The following NEK10 variants were observed in gnomAD, a reference collection of about 807,000 sequenced individuals.
NEK10 encodes the protein serine/threonine-protein kinase Nek10.
In NEK10, 122 loss-of-function variants were observed where a neutral mutation model predicts 159.8. The ratio of observed to expected loss-of-function variants is 0.76; its 90% confidence interval spans 0.66 to 0.89. The LOEUF is 0.89. NEK10 is among the 40% of genes least tolerant of loss of function. The pLI, the probability that NEK10 is intolerant of heterozygous loss-of-function variation, is 0.00. For synonymous variants in NEK10, 466 were observed against 457.1 expected (o/e 1.02, Z -0.25); for missense variants, 1,342 against 1,323.1 (o/e 1.01, Z -0.22).
intron 26 of NEK10, among the ~76,000 whole-genome samples, chr3:27,175,706 G>A (rs923268832): frequency 6.6e-5 from 10 of 152,198 alleles, no homozygotes; most frequent in African/African-American, 2.4e-4. Flanking sequence ...GCCTTTTTAG[G>A]CCGTGGGGCT....
chr3:27,284,699 G>A lies in NEK10; in HGVS notation c.1917C>T (p.Cys639=), dbSNP rs758875291. 3.7e-6 allele frequency: 6 copies of A among 1,605,282 alleles called. No individual in the cohort carries two copies. The highest frequency in any genetic ancestry group is 5.1e-6 in the Non-Finnish European group (6 of 1,172,236). The part of the protein sequence containing the change: ...ERLWKIFIQL[C]LALRYLHKEK... Reference sequence around the variant, plus strand: ...CCTTGTGTAAGTATCGAAGAGCTAAGCACAGCTTGAAACAATGAATAGAAA... The same window carrying A: ...CCTTGTGTAAGTATCGAAGAGCTAAACACAGCTTGAAACAATGAATAGAAA... Residue 639 remains cysteine (C), a synonymous_variant, in exon 22 of 36, where the codon TGC becomes TGT. Coordinates refer to ENST00000691995, the MANE Select transcript of NEK10 (RefSeq NM_001394966.1).
At chr3:27,360,741 T>C (rs2048627765) in intron 1 of NEK10, among the ~76,000 whole-genome samples, 1 of 152,176 alleles carries the variant, frequency 6.6e-6, no homozygotes, top group Admixed American at 6.5e-5. Flanking sequence ...GTGAAATATG[T>C]AGGTGGTGTG....
intron 9 of NEK10, chr3:27,309,668 A>G (rs2044529091): frequency 6.6e-6 from 1 of 152,234 alleles, no homozygotes; most frequent in Admixed American, 6.5e-5. Flanking sequence ...TTAATGACAT[A>G]AATTACAATA....
chr3:27,220,030 T>A (rs1008791803), intron 23 of NEK10, among the ~76,000 whole-genome samples: 18 of 152,226 alleles, frequency 1.2e-4, no homozygotes, highest in Non-Finnish European at 2.4e-4. Flanking sequence ...ACATGACTTG[T>A]ACACTAAAAA....
intron 26 of NEK10, among the ~76,000 whole-genome samples, chr3:27,175,975 T>A (rs914830280): frequency 2.6e-5 from 4 of 152,146 alleles, no homozygotes; most frequent in Admixed American, 1.3e-4. Flanking sequence ...GTTTTTTATT[T>A]TTTTCCTACA....
At chr3:27,357,520 CTTTAATTTCCAATCTTT>C (rs1215879034) in intron 1 of NEK10, among the ~76,000 whole-genome samples, 1 of 152,128 alleles carries the variant, frequency 6.6e-6, no homozygotes, top group African/African-American at 2.4e-5. Context: ...ATAAAGAACT[CTTTAATTTCCAATCTTT>C]TATGGACTGA....
intron 30 of NEK10, chr3:27,162,176 G>T: frequency 5.3e-6 from 2 of 379,296 alleles, no homozygotes; most frequent in African/African-American, 2.0e-5. Flanking sequence ...TTTGTTTGTA[G>T]GTATGTACTT....
chr3:27,115,199 A>T (rs1329766398), intron 35 of NEK10, among the ~76,000 whole-genome samples: 2 of 152,206 alleles, frequency 1.3e-5, no homozygotes, highest in Non-Finnish European at 2.9e-5. Flanking sequence ...CATATTCTAT[A>T]TCAGCTCTTA....
At chr3:27,358,325 A>T (rs1375741393) in intron 1 of NEK10, among the ~76,000 whole-genome samples, 1 of 152,196 alleles carries the variant, frequency 6.6e-6, no homozygotes, top group East Asian at 1.9e-4. Context: ...CCTGAATACC[A>T]TCTCAGATGG....
chr3:27,296,778 T>C (rs2043385291), intron 14 of NEK10, among the ~76,000 whole-genome samples: 1 of 152,210 alleles, frequency 6.6e-6, no homozygotes, highest in Non-Finnish European at 1.5e-5. Flanking sequence ...TGGCAATAAA[T>C]ATTTTGTTTG....
chr3:27,325,028 G>T (rs936269488), intron 5 of NEK10, among the ~76,000 whole-genome samples: 1 of 152,184 alleles, frequency 6.6e-6, no homozygotes, highest in East Asian at 1.9e-4. Context: ...CATGATATGA[G>T]GCCAGTCACC....
At chr3:27,156,000 C>A (rs1017660950) in intron 30 of NEK10, among the ~76,000 whole-genome samples, 1 of 151,954 alleles carries the variant, frequency 6.6e-6, no homozygotes, top group Non-Finnish European at 1.5e-5. Flanking sequence ...ACTTACCAAC[C>A]AATCTTCAAC....
At chr3:27,206,916 T>C (rs1950591643) in intron 23 of NEK10, among the ~76,000 whole-genome samples, 1 of 152,208 alleles carries the variant, frequency 6.6e-6, no homozygotes, top group Non-Finnish European at 1.5e-5. Context: ...GGCCTGTGAC[T>C]GTCTTTGCCC....
chr3:27,290,742 T>C lies in NEK10; in HGVS notation c.1618A>G (p.Ser540Gly). The part of the protein sequence containing the change: ...FGCVYKVRKH[S>G]GQNLLAMKEV... ...TTCATTGCTAAAAGATTTTGACCAC[T>C]ATGCTTTCTAACCTAAAATAAAGAA... is the stretch of plus-strand genomic sequence containing the variant. Residue 540 changes from serine to glycine, a missense_variant, in exon 19 of 36, where the codon AGT becomes GGT. Physicochemically the swap from Ser to Gly is moderately conservative, Grantham distance 56 (BLOSUM62 0). Transcript: ENST00000691995. The C allele has an allele frequency of 6.2e-7, 1 of 1,603,066 alleles. No individual in the cohort carries two copies. Among genetic ancestry groups the C allele is most frequent in the Non-Finnish European group, 8.5e-7 (1 of 1,174,832 alleles).
chr3:27,158,165 A>C (rs1393688167), intron 30 of NEK10, among the ~76,000 whole-genome samples: 1 of 152,200 alleles, frequency 6.6e-6, no homozygotes, highest in African/African-American at 2.4e-5. Context: ...GTTGCAATGA[A>C]GGTGCTTACA....
intron 32 of NEK10, among the ~76,000 whole-genome samples, chr3:27,130,802 T>C (rs1942528469): frequency 6.6e-6 from 1 of 152,202 alleles, no homozygotes; most frequent in Non-Finnish European, 1.5e-5. Flanking sequence ...ATAAGATAAA[T>C]ATCTGAAGCC....
chr3:27,237,678 T>C (rs1050687286), intron 23 of NEK10, among the ~76,000 whole-genome samples: 1 of 151,680 alleles, frequency 6.6e-6, no homozygotes, highest in Admixed American at 6.6e-5. Context: ...TGAGGAAGGG[T>C]GGGAGTGGGG....
intron 23 of NEK10, among the ~76,000 whole-genome samples, chr3:27,207,442 A>T (rs991699332): frequency 6.6e-6 from 1 of 152,220 alleles, no homozygotes; most frequent in Non-Finnish European, 1.5e-5. Flanking sequence ...AGATGTCATA[A>T]AAGAAAATGT....
intron 3 of NEK10, among the ~76,000 whole-genome samples, chr3:27,347,139 C>A (rs1352735801): frequency 6.6e-6 from 1 of 152,120 alleles, no homozygotes; most frequent in Non-Finnish European, 1.5e-5. Flanking sequence ...GTAAATTTTT[C>A]CATTTTATAT....
Sources: gnomAD v4.1 joint callset for allele counts (sites outside exome capture counted in the v4.1 genomes callset) on GRCh38, gnomAD v4.1.1 for gene constraint, MANE v1.5 for transcripts, NCBI Gene and HGNC (gene_info 2026-07-23, HGNC 2026-07-21) for gene names.